Variants in ZBTB4 observed in about 807,000 individuals in gnomAD.
ZBTB4 encodes the protein zinc finger and BTB domain-containing protein 4.
A neutral mutation model predicts 59.8 loss-of-function variants in ZBTB4; 14 were observed. The ratio of observed to expected loss-of-function variants is 0.23; its 90% CI spans 0.15 to 0.37. ZBTB4 has a LOEUF of 0.37. Ranked by LOEUF, ZBTB4 falls within the 10% of genes least tolerant of loss-of-function variation. ZBTB4 has a pLI of 1.00. For synonymous variants in ZBTB4, 587 were observed against 575.2 expected (o/e 1.02, Z -0.29); for missense variants, 1,198 against 1,380.8 (o/e 0.87, Z 2.10).
In ZBTB4 at chr17:7,479,505, G is replaced by A; in HGVS notation, c.-130C>T. On this transcript the variant is annotated 5_prime_UTR_variant, in exon 1 of 4. Coordinates refer to ENST00000380599, the MANE Select transcript of ZBTB4 (RefSeq NM_001128833.2). Reference sequence around the variant, plus strand: ...CCAGGCCCGGCTCATCACCGTGGCCGCCCCCGGCCGCTCCGGTTTTGCCCG... The same window carrying A: ...CCAGGCCCGGCTCATCACCGTGGCCACCCCCGGCCGCTCCGGTTTTGCCCG... 1 of 158,868 alleles carries A rather than the reference G, an allele frequency of 6.3e-6. No homozygotes were observed. The highest frequency in any genetic ancestry group is 1.4e-5 in the Non-Finnish European group (1 of 73,384). The allele number at this position is 158,868 out of a possible 1,614,324, so 9.8% of individuals were successfully genotyped here. A position where few individuals can be genotyped will look rare whatever the true frequency, so the allele number is the denominator to read the frequency against.
At position 7,461,261 on chromosome 17, in the gene ZBTB4, C is replaced by T. The variant is rs2070015814; in HGVS notation, c.*679G>A. ...AGAACAGAGGGGCAGAGGGGCAACC[C>T]TCCCCCAAACCTCCTTGACCTGGCT... On this transcript the variant is annotated 3_prime_UTR_variant, in exon 4 of 4. Transcript: ENST00000380599. 1 of 152,702 alleles carries T rather than the reference C, an allele frequency of 6.5e-6. No homozygotes were observed. The allele number at this position is 152,702 out of a possible 1,614,324, so 9.5% of individuals were successfully genotyped here.
chr17:7,481,572 T>C, upstream of ZBTB4: 2 of 1,342,934 alleles, frequency 1.5e-6, no homozygotes, highest in African/African-American at 1.5e-5. Flanking sequence ...TCCTGGTTGC[T>C]CCATTTCCCC....
intron 3 of ZBTB4, among the ~76,000 whole-genome samples, chr17:7,464,168 G>T (rs1341800206): frequency 6.6e-6 from 1 of 152,188 alleles, no homozygotes; most frequent in African/African-American, 2.4e-5. Context: ...AACGACTTAC[G>T]AACAGGGACA....
chr17:7,466,882 CAG>C lies in ZBTB4; in HGVS notation c.-9-74_-9-73del, dbSNP rs2070136167. On this transcript the variant is annotated intron_variant, in intron 2 of 3. Coordinates refer to ENST00000380599, the MANE Select transcript of ZBTB4 (RefSeq NM_001128833.2). This position sits in a 1 kb window ranked among gnomAD's most constrained non-coding sequence, Gnocchi z 9.1. ...GAGGGCAGGGGCTTCTAAAATCAGGCAGAGAGAGGATCAGGAGCTGCTGGTCA... is the reference window on the plus strand; with the variant it reads ...GAGGGCAGGGGCTTCTAAAATCAGGCAGAGAGGATCAGGAGCTGCTGGTCA... 2 of 1,440,784 alleles carry C rather than the reference CAG, an allele frequency of 1.4e-6. No individual in the cohort carries two copies. The highest frequency in any genetic ancestry group is 1.8e-6 in the Non-Finnish European group (2 of 1,100,808). The allele number at this position is 1,440,784 out of a possible 1,614,324, so 89.2% of individuals were successfully genotyped here.
upstream of ZBTB4, chr17:7,482,697 T>A (rs777942524): frequency 1.2e-6 from 2 of 1,612,044 alleles, no homozygotes; most frequent in East Asian, 4.5e-5. Context: ...GTGCCAGGCC[T>A]CTTTGTGCTG....
rs2070022372 is a variant in ZBTB4 at position 7,461,677 on chromosome 17, A to G, written c.*263T>C. 2.6e-6 allele frequency: 1 copy of G among 388,184 alleles called. No individual in the cohort carries two copies. The highest frequency in any genetic ancestry group is 4.3e-5 in the East Asian group (1 of 23,444). 24.0% of individuals were successfully genotyped at this position (388,184 alleles called of 1,614,324 possible). ...ATTGCTCAGTTGCCCCAAGGGCTGGAGAAGGGATGGAAGCTGGCCCTGCCC... is the reference window on the plus strand; with the variant it reads ...ATTGCTCAGTTGCCCCAAGGGCTGGGGAAGGGATGGAAGCTGGCCCTGCCC... On this transcript the variant is annotated 3_prime_UTR_variant, in exon 4 of 4. Coordinates refer to ENST00000380599, the MANE Select transcript of ZBTB4 (RefSeq NM_001128833.2).
At chr17:7,465,412 C>T (rs1658578810) in intron 3 of ZBTB4, among the ~76,000 whole-genome samples, 3 of 148,842 alleles carry the variant, frequency 2.0e-5, no homozygotes, top group South Asian at 2.1e-4. Flanking sequence ...GGCAGTGAGC[C>T]GAGAAGGCAC....
Position 7,468,486 on chromosome 17 carries a change from G to C in ZBTB4, c.-80-1159C>G, listed in dbSNP as rs2070157688. On this transcript the variant is annotated intron_variant, in intron 1 of 3. Coordinates refer to ENST00000380599, the MANE Select transcript of ZBTB4 (RefSeq NM_001128833.2). ...CCACCTTCCCCTGCAGGCACCATCA[G>C]GGCCTTGAAGACTCTTTTCAGTTGA... Among the ~76,000 whole-genome samples, 2 of 152,208 alleles carry C rather than the reference G, an allele frequency of 1.3e-5. 1 individual carries two copies. Among genetic ancestry groups the C allele is most frequent in the South Asian group, 4.1e-4 (2 of 4,834 alleles).
Position 7,466,453 on chromosome 17 carries a change from G to T in ZBTB4, c.349C>A (p.Pro117Thr). The T allele has an allele frequency of 6.2e-7, 1 of 1,613,038 alleles. No homozygotes were observed. The highest frequency in any genetic ancestry group is 1.1e-5 in the South Asian group (1 of 90,878). Residue 117 changes from proline to threonine, a missense_variant, in exon 3 of 4, where the codon CCC becomes ACC. Physicochemically the swap from Pro to Thr is conservative, Grantham distance 38. This residue lies in a region of ZBTB4 where 83 missense variants were observed against 76.5 expected (regional missense o/e 1.09). Transcript: ENST00000380599. The surrounding 1 kb of genome is among the most constrained non-coding windows in gnomAD (Gnocchi z 9.1). ...ACCCGGGGTGGGGAAGAAGCAGGGG[G>T]AGAGGCTGGAGGGGGAGAGGAAGAG... ...SSSSSPPPASPPASSPPRVLE... is the reference protein window; with the variant it reads ...SSSSSPPPASTPASSPPRVLE...
rs748533637 is a variant in ZBTB4, at chr17:7,466,117, G to A, written c.685C>T (p.Leu229=). 22 of 1,608,450 alleles carry A rather than the reference G, an allele frequency of 1.4e-5. No individual in the cohort carries two copies. In the South Asian group the frequency reaches 1.7e-4, roughly 12 times the overall value. ...GGGCAGGGGAGGGGCCGCCGGGGCA[G>A]GGAGCACTGCAAGTCAGGGGCCTGG... ...EAQAPDLQCS[L]PRRPLPCPQC... Residue 229 remains leucine (L), a synonymous_variant, in exon 3 of 4, where the codon CTG becomes TTG. Coordinates refer to ENST00000380599, the MANE Select transcript of ZBTB4 (RefSeq NM_001128833.2). This position sits in a 1 kb window ranked among gnomAD's most constrained non-coding sequence, Gnocchi z 9.1.
At chr17:7,471,276 T>A (rs1289457852) in intron 1 of ZBTB4, among the ~76,000 whole-genome samples, 1 of 152,152 alleles carries the variant, frequency 6.6e-6, no homozygotes, top group African/African-American at 2.4e-5. Flanking sequence ...CTGGACCTCC[T>A]GGAATCAAAT....
intron 1 of ZBTB4, among the ~76,000 whole-genome samples, chr17:7,473,245 T>C (rs895678829): frequency 6.6e-6 from 1 of 151,724 alleles, no homozygotes; most frequent in Non-Finnish European, 1.5e-5. Context: ...CCGGAGTAGC[T>C]GGGACTACAG....
chr17:7,477,018 CT>C (rs2070277578), intron 1 of ZBTB4, among the ~76,000 whole-genome samples: 1 of 152,214 alleles, frequency 6.6e-6, no homozygotes, highest in Non-Finnish European at 1.5e-5. Context: ...TTCTCTGGAC[CT>C]CAGCTGCCTC....
chr17:7,483,230 T>C, upstream of ZBTB4: 5 of 816,668 alleles, frequency 6.1e-6, 1 homozygote, highest in Middle Eastern at 7.4e-4. Flanking sequence ...AATCAGGGCA[T>C]AACTAAGGGG....
chr17:7,483,111 G>A, upstream of ZBTB4: 1 of 1,519,088 alleles, frequency 6.6e-7, no homozygotes, highest in South Asian at 1.2e-5. Flanking sequence ...GTGGGAGAGG[G>A]ATACCTCTCA....
chr17:7,465,899 C>T lies in ZBTB4; in HGVS notation c.903G>A (p.Lys301=). Residue 301 remains lysine, a synonymous_variant, in exon 3 of 4, where the codon AAG becomes AAA. Transcript: ENST00000380599. The stretch of plus-strand genomic sequence containing the variant: ...CATACAGCACGTGGCCGCCCACCAC[C>T]TTCACCACGTGCTCGGGGCCCCCTC... ...GFRGGPEHVV[K]VVGGHVLYVC... The T allele has an allele frequency of 6.2e-7, 1 of 1,613,144 alleles. No individual in the cohort carries two copies. The highest frequency in any genetic ancestry group is 8.5e-7 in the Non-Finnish European group (1 of 1,179,294).
chr17:7,463,313 C>A lies in ZBTB4; in HGVS notation c.1669G>T (p.Ala557Ser), dbSNP rs1384614789. The A allele has an allele frequency of 6.2e-7, 1 of 1,609,012 alleles. No individual in the cohort carries two copies. Among genetic ancestry groups the A allele is most frequent in the Non-Finnish European group, 8.5e-7 (1 of 1,178,006 alleles). ...GPAMATTTEE[A>S]KGRNPRAGRT... ...CCAGCCCGTGGATTCCGGCCCTTGG[C>A]CTCCTCCGTGGTGGTGGCCATGGCT... The change falls in exon 4 of 4, where the codon GCC becomes TCC. Residue 557 changes from alanine to serine, a missense_variant. Ala to Ser is a moderately conservative substitution (Grantham distance 99). Coordinates refer to ENST00000380599, the MANE Select transcript of ZBTB4 (RefSeq NM_001128833.2).
At chr17:7,470,150 C>A in intron 1 of ZBTB4, among the ~76,000 whole-genome samples, 1 of 152,264 alleles carries the variant, frequency 6.6e-6, no homozygotes, top group Non-Finnish European at 1.5e-5. Flanking sequence ...GTAATCCCAG[C>A]ACTTTGGAAG....
In ZBTB4 at chr17:7,460,283, G is replaced by A. The variant is rs149094559; in HGVS notation, c.*1657C>T. ...CTCCTCTGTGGTTAACATTCAGGGA[G>A]CCTGTCTAAAACCTCCCCTTTTGTA... is the stretch of plus-strand genomic sequence containing the variant. On this transcript the variant is annotated 3_prime_UTR_variant, in exon 4 of 4. Transcript: ENST00000380599. The A allele has an allele frequency of 1.3e-5, 2 of 152,626 alleles. No individual in the cohort carries two copies. Among genetic ancestry groups the A allele is most frequent in the Non-Finnish European group, 2.9e-5 (2 of 68,032 alleles). The allele number at this position is 152,626 out of a possible 1,614,324, so 9.5% of individuals were successfully genotyped here.
Sources: allele counts gnomAD v4.1 joint callset (sites outside exome capture counted in the v4.1 genomes callset), GRCh38; gene constraint gnomAD v4.1.1; regional missense constraint gnomAD v4.1.1; non-coding constraint Gnocchi (gnomAD v3.1); transcripts MANE v1.5; gene names NCBI Gene and HGNC (gene_info 2026-07-23, HGNC 2026-07-21).